Variants in ADARB2 observed in about 807,000 individuals in gnomAD.
ADARB2 encodes the protein inactive double-stranded RNA-specific editase B2.
ADARB2 carries 25 observed loss-of-function variants against 62.2 expected under a neutral mutation model. That is an observed-to-expected ratio of 0.40 (90% CI 0.29 to 0.56). The LOEUF (loss-of-function observed/expected upper bound fraction) is 0.56. ADARB2 is among the 20% of genes least tolerant of loss of function. ADARB2 has a pLI of 0.43. For missense variants in ADARB2, 1,071 were observed against 1,077.4 expected (o/e 0.99, Z 0.08); for synonymous variants, 572 against 500.8 (o/e 1.14, Z -1.90).
At chr10:1,211,200 A>C (rs539400304) in intron 7 of ADARB2, among the ~76,000 whole-genome samples, 1 of 151,558 alleles carries the variant, frequency 6.6e-6, no homozygotes, top group African/African-American at 2.4e-5. Context: ...TCTATCATCT[A>C]TCATTATCAT....
intron 1 of ADARB2, among the ~76,000 whole-genome samples, chr10:1,630,669 T>G (rs538616259): frequency 6.6e-6 from 1 of 152,308 alleles, no homozygotes; most frequent in African/African-American, 2.4e-5. Flanking sequence ...TAAAGGTCTA[T>G]GTGCATTTTA....
chr10:1,737,127 G>T lies in ADARB2; in HGVS notation c.24C>A (p.Gly8=), dbSNP rs1835312349. The change falls in exon 1 of 10, where the codon GGC becomes GGA. Residue 8 remains glycine, a synonymous_variant. Coordinates refer to ENST00000381312, the MANE Select transcript of ADARB2 (RefSeq NM_018702.4). ...GACTGCTCAGCCCTCCAGACCCTCT[G>T]CCGCTCCCCAGGACCGAGGCCATGG... MASVLGS[G]RGSGGLSSQL... 1.9e-6 allele frequency: 3 copies of T among 1,609,754 alleles called. No homozygotes were observed. The highest frequency in any genetic ancestry group is 2.5e-6 in the Non-Finnish European group (3 of 1,179,886).
intron 5 of ADARB2, among the ~76,000 whole-genome samples, chr10:1,234,985 G>C (rs1192331973): frequency 1.3e-5 from 2 of 152,058 alleles, no homozygotes; most frequent in African/African-American, 4.8e-5. Context: ...GACTTCAGGT[G>C]ATCCACCCGC....
intron 4 of ADARB2, among the ~76,000 whole-genome samples, chr10:1,259,899 C>G (rs1417233947): frequency 6.6e-6 from 1 of 152,168 alleles, no homozygotes; most frequent in East Asian, 1.9e-4. Flanking sequence ...CAAAAATCCT[C>G]AATAAAATAT....
chr10:1,611,067 C>T (rs547701485), intron 1 of ADARB2, among the ~76,000 whole-genome samples: 15 of 152,110 alleles, frequency 9.9e-5, no homozygotes, highest in South Asian at 2.1e-4. Context: ...TCACTGGTGC[C>T]GCGTGTCTGC....
At chr10:1,390,490 A>G (rs1345990475) in intron 1 of ADARB2, among the ~76,000 whole-genome samples, 1 of 152,252 alleles carries the variant, frequency 6.6e-6, no homozygotes, top group African/African-American at 2.4e-5. Flanking sequence ...ACCAAAAATC[A>G]TGACTGGACA....
At chr10:1,286,121 G>T (rs531785248) in intron 3 of ADARB2, among the ~76,000 whole-genome samples, 1 of 152,128 alleles carries the variant, frequency 6.6e-6, no homozygotes, top group Non-Finnish European at 1.5e-5. Context: ...AGAGCCAAGA[G>T]GGGGCTTGGG....
chr10:1,444,619 T>C (rs1348597756), intron 1 of ADARB2, among the ~76,000 whole-genome samples: 1 of 148,122 alleles, frequency 6.8e-6, no homozygotes, highest in East Asian at 2.1e-4. Flanking sequence ...CATTCTCCCA[T>C]CCATCTATTC....
At chr10:1,675,919 G>T in intron 1 of ADARB2, 1 of 855,908 alleles carries the variant, frequency 1.2e-6, no homozygotes, top group Non-Finnish European at 1.4e-6. Flanking sequence ...AGAGGTCCGC[G>T]TGGGTCAGAG....
In ADARB2 at chr10:1,233,732, T is replaced by C. The variant is rs1830831819; in HGVS notation, c.1475A>G (p.Asp492Gly). The change falls in exon 6 of 10, where the codon GAC becomes GGC. Residue 492 changes from aspartate to glycine, a missense_variant. Asp to Gly is a moderately conservative substitution (Grantham distance 94). Transcript: ENST00000381312. The stretch of plus-strand genomic sequence containing the variant: ...CTCGTAGGGAGAGTGGAGTCTTGCG[T>C]CTCCACAGGGGGAGGTGCTCACGTA... ...HLYVSTSPCG[D>G]ARLHSPYEIT... 2 of 1,613,230 alleles carry C rather than the reference T, an allele frequency of 1.2e-6. No homozygotes were observed. Among genetic ancestry groups the C allele is most frequent in the South Asian group, 2.2e-5 (2 of 90,970 alleles).
intron 1 of ADARB2, among the ~76,000 whole-genome samples, chr10:1,568,473 CTG>C (rs1246046777): frequency 1.3e-5 from 2 of 151,858 alleles, no homozygotes; most frequent in Non-Finnish European, 2.9e-5. Flanking sequence ...ACCCAGAAGT[CTG>C]TGGTTTTAGT....
chr10:1,530,461 C>CACTGAATT, intron 1 of ADARB2, among the ~76,000 whole-genome samples: 1 of 152,348 alleles, frequency 6.6e-6, no homozygotes, highest in African/African-American at 2.4e-5. Flanking sequence ...GAGTGCGTCT[C>CACTGAATT]ACTGAATTCT....
intron 1 of ADARB2, among the ~76,000 whole-genome samples, chr10:1,561,145 T>C (rs943584940): frequency 1.3e-5 from 2 of 152,230 alleles, no homozygotes; most frequent in African/African-American, 2.4e-5. Context: ...TATCAACTTG[T>C]AATCAATATA....
At chr10:1,684,081 C>T (rs1834572774) in intron 1 of ADARB2, among the ~76,000 whole-genome samples, 1 of 152,250 alleles carries the variant, frequency 6.6e-6, no homozygotes, top group African/African-American at 2.4e-5. Context: ...TTCAAAAGCA[C>T]ATCTTAACGA....
intron 1 of ADARB2, among the ~76,000 whole-genome samples, chr10:1,553,332 C>A (rs1832655325): frequency 6.6e-6 from 1 of 152,192 alleles, no homozygotes; most frequent in South Asian, 2.1e-4. Flanking sequence ...GGATCAAGTT[C>A]AAACTCTTCT....
intron 3 of ADARB2, among the ~76,000 whole-genome samples, chr10:1,273,250 C>T (rs1270059951): frequency 6.6e-6 from 1 of 152,170 alleles, no homozygotes; most frequent in Non-Finnish European, 1.5e-5. Context: ...CAAGGGAGAG[C>T]GTGATTCTTA....
chr10:1,259,138 A>G (rs1449439347), intron 4 of ADARB2, among the ~76,000 whole-genome samples: 2 of 152,358 alleles, frequency 1.3e-5, no homozygotes, highest in South Asian at 2.1e-4. Flanking sequence ...TCTCTGGGAC[A>G]CATTCAAAGC....
chr10:1,273,287 G>T (rs183591383), intron 3 of ADARB2, among the ~76,000 whole-genome samples: 2 of 152,266 alleles, frequency 1.3e-5, no homozygotes, highest in African/African-American at 2.4e-5. Flanking sequence ...TTGAGACAGG[G>T]TTTCTCTCTG....
At chr10:1,358,744 G>A (rs902930037) in intron 3 of ADARB2, among the ~76,000 whole-genome samples, 1 of 152,062 alleles carries the variant, frequency 6.6e-6, no homozygotes, top group African/African-American at 2.4e-5. Flanking sequence ...GAGAGTGCGG[G>A]GTGAGGGTGT....
Sources: gnomAD v4.1 joint callset for allele counts (sites outside exome capture counted in the v4.1 genomes callset) on GRCh38, gnomAD v4.1.1 for gene constraint, MANE v1.5 for transcripts, NCBI Gene and HGNC (gene_info 2026-07-23, HGNC 2026-07-21) for gene names.